Variants in ROR1 observed in about 807,000 individuals in gnomAD.
ROR1 encodes the protein inactive tyrosine-protein kinase transmembrane receptor ROR1.
In ROR1, 19 loss-of-function variants were observed where a neutral mutation model predicts 78.8. That is an observed-to-expected ratio of 0.24 (90% confidence interval 0.17 to 0.35). The LOEUF (loss-of-function observed/expected upper bound fraction) is 0.35. ROR1 is among the 10% of genes least tolerant of loss of function. The pLI is 1.00. For missense variants in ROR1, 917 were observed against 1,177.8 expected, an observed-to-expected ratio of 0.78 and a Z score of 3.24; for synonymous variants, 386 against 433.6, an observed-to-expected ratio of 0.89 and a Z score of 1.36.
In ROR1 at chr1:64,164,283, G is replaced by A. The variant is rs560686405; in HGVS notation, c.1386+5091G>A. On this transcript the variant is annotated intron_variant, in intron 8 of 8. Transcript: ENST00000371079. Reference sequence around the variant, plus strand: ...CTGCCACCCAAAAGTCCATACTATCGGGGCCTAGCTTACCTTTCCAGCCAC... The same window carrying A: ...CTGCCACCCAAAAGTCCATACTATCAGGGCCTAGCTTACCTTTCCAGCCAC... Among the ~76,000 whole-genome samples, 29 of 152,114 alleles carry A rather than the reference G, an allele frequency of 1.9e-4. 1 individual carries two copies. Among genetic ancestry groups the A allele is most frequent in the Admixed American group, 3.9e-4 (6 of 15,290 alleles).
At chr1:64,119,731 A>G (rs1364145336) in intron 4 of ROR1, among the ~76,000 whole-genome samples, 3 of 152,072 alleles carry the variant, frequency 2.0e-5, no homozygotes. Context: ...TTAAAGGTGG[A>G]ACCATAGTAG....
chr1:64,179,148 T>C lies in ROR1; in HGVS notation c.*293T>C. 1 of 286,868 alleles carries C rather than the reference T, an allele frequency of 3.5e-6. No homozygotes were observed. Among genetic ancestry groups the C allele is most frequent in the East Asian group, 6.8e-5 (1 of 14,648 alleles). 17.8% of individuals were successfully genotyped at this position (286,868 alleles called of 1,614,324 possible). A position where few individuals can be genotyped will look rare whatever the true frequency, so the allele number is the denominator to read the frequency against. On this transcript the variant is annotated 3_prime_UTR_variant, in exon 9 of 9. Coordinates refer to ENST00000371079, the MANE Select transcript of ROR1 (RefSeq NM_005012.4). ...TCGAGCACTGAAAGCTGCAAACCAG[T>C]GAAGAGGAAAAGAACCTTGTGATTA...
intron 1 of ROR1, among the ~76,000 whole-genome samples, chr1:63,806,709 T>G (rs1644832450): frequency 6.6e-6 from 1 of 152,234 alleles, no homozygotes; most frequent in Non-Finnish European, 1.5e-5. Context: ...ACCTCATGGT[T>G]AGTTTCCATT....
At chr1:64,054,593 G>T (rs1230421585) in intron 4 of ROR1, among the ~76,000 whole-genome samples, 3 of 151,916 alleles carry the variant, frequency 2.0e-5, no homozygotes, top group African/African-American at 7.3e-5. Flanking sequence ...ACACAGAAAT[G>T]GAATCATATA....
chr1:63,813,226 T>C (rs1644870847), intron 1 of ROR1, among the ~76,000 whole-genome samples: 1 of 152,188 alleles, frequency 6.6e-6, no homozygotes, highest in Non-Finnish European at 1.5e-5. Flanking sequence ...CATGTTTTCT[T>C]TGGGAAAAAC....
chr1:63,872,951 A>G (rs1306779279), intron 1 of ROR1, among the ~76,000 whole-genome samples: 2 of 152,168 alleles, frequency 1.3e-5, no homozygotes, highest in Non-Finnish European at 2.9e-5. Context: ...AAGGACAGTG[A>G]GAGGGTGGGA....
In ROR1 at chr1:63,854,880, A is replaced by G. The variant is rs186978684; in HGVS notation, c.91+80372A>G. ...CATAGTGTTTGCATCTAACCTACAT[A>G]CATTCTCCTGTATACTTTAAATTAT... On this transcript the variant is annotated intron_variant, in intron 1 of 8. Transcript: ENST00000371079. Among the ~76,000 whole-genome samples the G allele has an allele frequency of 1.9e-4, 29 of 152,344 alleles. No homozygotes were observed. The East Asian group carries it at 5.4e-3, about 28-fold the overall frequency.
At chr1:63,995,347 G>A (rs285367) in intron 1 of ROR1, among the ~76,000 whole-genome samples, 112,882 of 152,014 alleles carry the variant, frequency 0.74, 43,009 homozygotes, top group East Asian at 0.94. Context: ...CATTCTTCCC[G>A]GATCATTGTT....
chr1:63,892,394 A>G (rs983195068), intron 1 of ROR1, among the ~76,000 whole-genome samples: 1 of 152,180 alleles, frequency 6.6e-6, no homozygotes, highest in African/African-American at 2.4e-5. Flanking sequence ...TAAGCACATT[A>G]AGGAGACTTG....
intron 1 of ROR1, among the ~76,000 whole-genome samples, chr1:63,899,188 C>G (rs919736907): frequency 1.3e-5 from 2 of 152,148 alleles, no homozygotes; most frequent in Non-Finnish European, 2.9e-5. Flanking sequence ...CCTTCCTCAT[C>G]AGTCTCTTTC....
chr1:64,067,179 G>C (rs2100612720), intron 4 of ROR1, among the ~76,000 whole-genome samples: 1 of 151,874 alleles, frequency 6.6e-6, no homozygotes, highest in East Asian at 1.9e-4. Context: ...GCGAAACCTA[G>C]TCTCTAATAA....
At chr1:63,920,781 G>A (rs1343455850) in intron 1 of ROR1, among the ~76,000 whole-genome samples, 1 of 152,178 alleles carries the variant, frequency 6.6e-6, no homozygotes, top group African/African-American at 2.4e-5. Flanking sequence ...CTTAAGATAA[G>A]TTTGCATTCC....
chr1:63,860,964 A>G (rs1299198346), intron 1 of ROR1, among the ~76,000 whole-genome samples: 8 of 152,218 alleles, frequency 5.3e-5, no homozygotes, highest in Admixed American at 3.3e-4. Context: ...GTTTAGAAAC[A>G]AATTTGTCCT....
intron 1 of ROR1, among the ~76,000 whole-genome samples, chr1:63,777,535 A>G (rs776062517): frequency 1.3e-5 from 2 of 152,194 alleles, no homozygotes; most frequent in Non-Finnish European, 2.9e-5. Flanking sequence ...TAGATTCAGT[A>G]TACATGGTAG....
intron 4 of ROR1, among the ~76,000 whole-genome samples, chr1:64,073,767 A>G (rs1647026152): frequency 6.6e-6 from 1 of 151,958 alleles, no homozygotes; most frequent in South Asian, 2.1e-4. Flanking sequence ...TCTGAAGGAA[A>G]GCCACTAATG....
chr1:63,892,674 C>G (rs997835264), intron 1 of ROR1, among the ~76,000 whole-genome samples: 1 of 152,124 alleles, frequency 6.6e-6, no homozygotes, highest in African/African-American at 2.4e-5. Context: ...CCATACTGGA[C>G]AGCAGTCTTG....
chr1:63,909,689 G>A (rs2100414751), intron 1 of ROR1, among the ~76,000 whole-genome samples: 1 of 152,242 alleles, frequency 6.6e-6, no homozygotes, highest in Non-Finnish European at 1.5e-5. Context: ...ATCTGGGTCA[G>A]CTTTATTCCA....
At chr1:64,119,003 G>A (rs923426009) in intron 4 of ROR1, among the ~76,000 whole-genome samples, 26 of 152,226 alleles carry the variant, frequency 1.7e-4, no homozygotes, top group Non-Finnish European at 3.4e-4. Flanking sequence ...CACCTTGACA[G>A]GTCATCTCTG....
intron 1 of ROR1, among the ~76,000 whole-genome samples, chr1:63,998,229 C>T (rs1389992503): frequency 1.3e-5 from 2 of 150,694 alleles, no homozygotes; most frequent in Non-Finnish European, 3.0e-5. Flanking sequence ...TCACTGGTGG[C>T]CAAAGGAACA....
Sources: gnomAD v4.1 joint callset for allele counts (sites outside exome capture counted in the v4.1 genomes callset) on GRCh38, gnomAD v4.1.1 for gene constraint, MANE v1.5 for transcripts, NCBI Gene and HGNC (gene_info 2026-07-23, HGNC 2026-07-21) for gene names.